PCDH7: variants seen among roughly 807,000 people sequenced by gnomAD.
PCDH7 encodes the protein protocadherin 7.
Under a neutral mutation model 58.9 loss-of-function variants are expected in PCDH7, and 17 were observed. The observed-to-expected ratio is 0.29, with a 90% CI of 0.20 to 0.43. The LOEUF is 0.43. Ranked by LOEUF, PCDH7 falls within the 20% of genes least tolerant of loss-of-function variation. PCDH7 has a pLI of 1.00. For synonymous variants in PCDH7, 664 were observed against 616.4 expected, an observed-to-expected ratio of 1.08 and a Z score of -1.14; for missense variants, 1,274 against 1,441.0, an observed-to-expected ratio of 0.88 and a Z score of 1.88.
At chr4:31,108,576 G>A (rs1358585940) in intron 3 of PCDH7, among the ~76,000 whole-genome samples, 1 of 152,040 alleles carries the variant, frequency 6.6e-6, no homozygotes, top group African/African-American at 2.4e-5. Flanking sequence ...TTTTGTGATT[G>A]CATAGGCACC....
chr4:30,866,557 C>A (rs919182570), intron 1 of PCDH7, among the ~76,000 whole-genome samples: 2 of 152,026 alleles, frequency 1.3e-5, no homozygotes, highest in Non-Finnish European at 2.9e-5. Context: ...CAGTTTCTAA[C>A]TTTTCTGTTC....
At chr4:31,051,840 C>CGGG (rs202150844) in intron 3 of PCDH7, among the ~76,000 whole-genome samples, 3 of 147,092 alleles carry the variant, frequency 2.0e-5, no homozygotes, top group African/African-American at 7.8e-5. Flanking sequence ...GTGTGGGGGG[C>CGGG]GGGTAGGGGA....
At chr4:31,014,623 T>G (rs571673043) in intron 3 of PCDH7, among the ~76,000 whole-genome samples, 74 of 152,222 alleles carry the variant, frequency 4.9e-4, no homozygotes, top group Non-Finnish European at 9.3e-4. Flanking sequence ...ATGTTATGTT[T>G]AAAATATTAA....
intron 3 of PCDH7, among the ~76,000 whole-genome samples, chr4:31,012,516 C>T (rs762071378): frequency 7.3e-5 from 11 of 150,428 alleles, no homozygotes; most frequent in Admixed American, 2.7e-4. Flanking sequence ...GTACTCAATA[C>T]ATTTTGTACC....
At chr4:30,942,200 T>C (rs764960171) in intron 2 of PCDH7, among the ~76,000 whole-genome samples, 1 of 151,982 alleles carries the variant, frequency 6.6e-6, no homozygotes, top group Non-Finnish European at 1.5e-5. Context: ...AAGGATCTAC[T>C]CACAATTTCC....
At chr4:31,066,322 T>A (rs1461348057) in intron 3 of PCDH7, among the ~76,000 whole-genome samples, 20 of 151,802 alleles carry the variant, frequency 1.3e-4, no homozygotes, top group Admixed American at 1.3e-3. Context: ...ATATGAGGAG[T>A]CTTATAATGT....
Position 31,126,461 on chromosome 4 carries a change from A to G in PCDH7, c.*8-16012A>G, listed in dbSNP as rs1718323113. On this transcript the variant is annotated intron_variant, in intron 3 of 3. Transcript: ENST00000509759. ...AGGCCTGAGCCACCTCACGCAGGCA[A>G]TTTATTGAATGTATGAATAAATATA... 2.0e-5 allele frequency among the ~76,000 whole-genome samples: 3 copies of G among 152,136 alleles called. No individual in the cohort carries two copies. In the South Asian group the frequency reaches 6.2e-4, roughly 31 times the overall value.
chr4:31,116,857 C>T (rs575288309), intron 3 of PCDH7, among the ~76,000 whole-genome samples: 17 of 151,686 alleles, frequency 1.1e-4, no homozygotes, highest in Non-Finnish European at 2.2e-4. Context: ...TTTTTTGAGA[C>T]GGAGTTTCGC....
chr4:30,751,070 C>T (rs1000258211), intron 1 of PCDH7, among the ~76,000 whole-genome samples: 2 of 152,138 alleles, frequency 1.3e-5, no homozygotes, highest in Non-Finnish European at 2.9e-5. Context: ...ATTTCAAAGA[C>T]TTTTTGTGGC....
intron 3 of PCDH7, among the ~76,000 whole-genome samples, chr4:31,082,611 T>G (rs1711640657): frequency 6.6e-6 from 1 of 152,174 alleles, no homozygotes. Flanking sequence ...AGGAATGAAA[T>G]AATGTCTTCT....
At position 30,722,055 on chromosome 4, in the gene PCDH7, G is replaced by A; in HGVS notation, c.633G>A (p.Gly211=). Residue 211 remains glycine (G), a synonymous_variant, in exon 1 of 2, where the codon GGG becomes GGA. Coordinates refer to ENST00000361762, the Ensembl canonical transcript of PCDH7. This position sits in a 1 kb window ranked among gnomAD's most constrained non-coding sequence, Gnocchi z 7.6. ...GCGCCCCCTACCCCGGGGGCGGCGG[G>A]AACGGCGCGAGCGGCGGCGGCTCGG... is the stretch of plus-strand genomic sequence containing the variant. 8.1e-7 allele frequency: 1 copy of A among 1,238,932 alleles called. No individual in the cohort carries two copies. Among genetic ancestry groups the A allele is most frequent in the Non-Finnish European group, 1.0e-6 (1 of 993,448 alleles). 76.7% of individuals were successfully genotyped at this position (1,238,932 alleles called of 1,614,324 possible).
chr4:31,035,247 C>CTTTTTTTT (rs35099580), intron 3 of PCDH7, among the ~76,000 whole-genome samples: 37 of 99,396 alleles, frequency 3.7e-4, no homozygotes, highest in Non-Finnish European at 5.2e-4. Context: ...CCTTTTTTCC[C>CTTTTTTTT]TTTTTTTTTT....
intron 3 of PCDH7, among the ~76,000 whole-genome samples, chr4:31,062,750 G>T (rs1170091870): frequency 6.6e-6 from 1 of 151,742 alleles, no homozygotes; most frequent in Non-Finnish European, 1.5e-5. Context: ...TTGTGTTTCT[G>T]TGTGTGTGTC....
intron 3 of PCDH7, among the ~76,000 whole-genome samples, chr4:31,002,249 C>T (rs1752415526): frequency 6.6e-6 from 1 of 152,114 alleles, no homozygotes. Context: ...ATTAGCCTTT[C>T]AAAGGGATAA....
At chr4:30,827,942 A>G (rs904541892) in intron 1 of PCDH7, among the ~76,000 whole-genome samples, 5 of 152,150 alleles carry the variant, frequency 3.3e-5, no homozygotes, top group African/African-American at 1.2e-4. Flanking sequence ...GCTGATATGT[A>G]TAAAGTCCAG....
chr4:31,049,879 G>A (rs1756598585), intron 3 of PCDH7, among the ~76,000 whole-genome samples: 1 of 152,092 alleles, frequency 6.6e-6, no homozygotes, highest in Non-Finnish European at 1.5e-5. Context: ...CAAATCAAAT[G>A]TCTACCCCAA....
chr4:30,856,693 GAA>G (rs33918177), intron 1 of PCDH7, among the ~76,000 whole-genome samples: 40,417 of 139,172 alleles, frequency 0.29, 6,041 homozygotes, highest in African/African-American at 0.42. Context: ...ACTGATATCA[GAA>G]AAAAAAAAAA....
intron 3 of PCDH7, 89 bp from the exon 3 acceptor site, chr4:31,142,384 T>G: frequency 9.1e-7 from 1 of 1,097,128 alleles, no homozygotes; most frequent in Non-Finnish European, 1.2e-6. Context: ...GTAAGGAATA[T>G]ATTTATATAT....
At chr4:30,946,690 T>G (rs188655231) in intron 2 of PCDH7, among the ~76,000 whole-genome samples, 7 of 137,636 alleles carry the variant, frequency 5.1e-5, no homozygotes, top group East Asian at 2.2e-4. Flanking sequence ...CTTATCTCTT[T>G]TGTGTGTGTG....
Sources: gnomAD v4.1 joint callset for allele counts (sites outside exome capture counted in the v4.1 genomes callset) on GRCh38, gnomAD v4.1.1 for gene constraint, Gnocchi (gnomAD v3.1) non-coding constraint, MANE v1.5 for transcripts, NCBI Gene and HGNC (gene_info 2026-07-23, HGNC 2026-07-21) for gene names.